Variants in MTERF4 observed in about 807,000 individuals in gnomAD.
MTERF4 encodes the protein mitochondrial transcription termination factor 4.
In MTERF4, 17 loss-of-function variants were observed where a neutral mutation model predicts 22.5. The ratio of observed to expected loss-of-function variants is 0.75; its 90% CI spans 0.52 to 1.13. The LOEUF (loss-of-function observed/expected upper bound fraction) is 1.13. Ranked by LOEUF, MTERF4 falls within the 50% of genes most tolerant of loss-of-function variation. The pLI, the probability that MTERF4 is intolerant of heterozygous loss-of-function variation, is 0.00. For missense variants in MTERF4, 420 were observed against 466.8 expected, an observed-to-expected ratio of 0.90 and a Z score of 0.92; for synonymous variants, 165 against 175.3, an observed-to-expected ratio of 0.94 and a Z score of 0.47.
chr2:241,044,848 T>C, the MTERF4 span, among the ~76,000 whole-genome samples: 1 of 152,162 alleles, frequency 6.6e-6, no homozygotes, highest in Non-Finnish European at 1.5e-5. Context: ...ATGCCATCAT[T>C]ATAAAAGTGG....
At chr2:241,048,707 G>C in the MTERF4 span, 340 of 1,612,916 alleles carry the variant, frequency 2.1e-4, no homozygotes, top group Non-Finnish European at 2.8e-4. Context: ...AGATGCCTGG[G>C]CGCCAACACC....
downstream of MTERF4, chr2:241,070,343 T>C (rs1020270971): frequency 1.1e-6 from 1 of 933,476 alleles, no homozygotes; most frequent in Non-Finnish European, 1.6e-6. Context: ...GGGAGGAGTC[T>C]GTGTATGAAA....
the MTERF4 span, chr2:241,053,413 C>T: frequency 7.3e-7 from 1 of 1,378,752 alleles, no homozygotes; most frequent in South Asian, 1.4e-5. Flanking sequence ...GGCTGCAGGC[C>T]CAAGCCTGGA....
At chr2:241,053,293 C>A in the MTERF4 span, 1 of 1,598,266 alleles carries the variant, frequency 6.3e-7, no homozygotes, top group Non-Finnish European at 8.5e-7. Context: ...CTGCCAGCCA[C>A]ACGGTGTCTG....
intron 4 of MTERF4, among the ~76,000 whole-genome samples, chr2:241,079,113 C>CA (rs1274280801): frequency 0.39 from 27,867 of 72,258 alleles, 4,521 homozygotes; most frequent in East Asian, 0.5. Context: ...GACTCCATCT[C>CA]AAAAAAAAAA....
chr2:241,052,728 A>G, the MTERF4 span, among the ~76,000 whole-genome samples: 1 of 39,656 alleles, frequency 2.5e-5, no homozygotes, highest in East Asian at 5.7e-4. Context: ...ATGGGATACC[A>G]GTGCCAGGCA....
the MTERF4 span, chr2:241,062,898 G>C: frequency 1.3e-6 from 2 of 1,597,978 alleles, no homozygotes; most frequent in African/African-American, 1.3e-5. Flanking sequence ...CGCCCACTGT[G>C]AGCTGGGTAA....
At chr2:241,050,609 G>A in the MTERF4 span, among the ~76,000 whole-genome samples, 2 of 152,198 alleles carry the variant, frequency 1.3e-5, no homozygotes, top group African/African-American at 4.8e-5. Context: ...TGAAGTCTGA[G>A]CCCTGGACCC....
At chr2:241,045,050 C>G in the MTERF4 span, among the ~76,000 whole-genome samples, 2 of 152,106 alleles carry the variant, frequency 1.3e-5, no homozygotes, top group Non-Finnish European at 2.9e-5. Context: ...ATTGACAATA[C>G]CATTTATAAT....
In MTERF4 at chr2:241,099,857, G is replaced by A. The variant is rs1330615471; in HGVS notation, c.59C>T (p.Ala20Val). The A allele has an allele frequency of 3.4e-5, 55 of 1,613,648 alleles. 2 individuals are homozygous for A. The East Asian group carries it at 1.2e-3, about 36-fold the overall frequency. Residue 20 changes from alanine (A) to valine (V), a missense_variant, in exon 2 of 4, where the codon GCC becomes GTC. Coordinates refer to ENST00000391980, the MANE Select transcript of MTERF4 (RefSeq NM_182501.4). ...ATGAGGAGTCTGCCTAGCCATACAG[G>A]CCCAGGTGAGGGGGATCAGGCGGTG... ...DWHRLIPLTWACMARQTPHLG... is the reference protein window; with the variant it reads ...DWHRLIPLTWVCMARQTPHLG...
the MTERF4 span, chr2:241,051,458 G>A: frequency 4.4e-4 from 153 of 344,906 alleles, no homozygotes; most frequent in African/African-American, 2.9e-3. This position sits in a 1 kb window ranked among gnomAD's most constrained non-coding sequence, Gnocchi z 4.7. Context: ...TGTTGGGGCC[G>A]GTTCTCCACA....
the MTERF4 span, chr2:241,052,311 T>A: frequency 2.0e-6 from 3 of 1,526,818 alleles, no homozygotes; most frequent in African/African-American, 4.1e-5. Context: ...GTCCCGAGCC[T>A]TCAGGGAAGA....
At chr2:241,065,525 C>T in the MTERF4 span, 4 of 1,612,886 alleles carry the variant, frequency 2.5e-6, no homozygotes, top group Admixed American at 6.7e-5. Context: ...ACATCTCCGT[C>T]TTCTCAGTGA....
chr2:241,081,450 C>G (rs920786659), intron 4 of MTERF4, among the ~76,000 whole-genome samples: 1 of 152,188 alleles, frequency 6.6e-6, no homozygotes, highest in African/African-American at 2.4e-5. Context: ...GTAATGAGGT[C>G]AGGGCCGAGC....
downstream of MTERF4, chr2:241,068,904 C>T (rs1275883178): frequency 6.5e-7 from 1 of 1,541,338 alleles, no homozygotes; most frequent in Non-Finnish European, 8.8e-7. The surrounding 1 kb of genome is among the most constrained non-coding windows in gnomAD (Gnocchi z 5.3). Flanking sequence ...TCACCTCCTG[C>T]CCACAGGGCC....
chr2:241,100,682 G>C (rs2064663844), intron 1 of MTERF4, among the ~76,000 whole-genome samples: 1 of 152,004 alleles, frequency 6.6e-6, no homozygotes, highest in South Asian at 2.1e-4. Flanking sequence ...TCTGAATAAC[G>C]TTTTCTTTTC....
Position 241,099,662 on chromosome 2 carries a change from A to G in MTERF4, c.254T>C (p.Val85Ala). 1 of 1,614,168 alleles carries G rather than the reference A, an allele frequency of 6.2e-7. No homozygotes were observed. The highest frequency in any genetic ancestry group is 8.5e-7 in the Non-Finnish European group (1 of 1,180,018). ...CTCTAGCTCCAAGGACCCTTGTACC[A>G]CAGGAGTCCCCTGCTTCTCAAGGAG... ...QCLLEKQGTPVVQGSLELERV... is the reference protein window; with the variant it reads ...QCLLEKQGTPAVQGSLELERV... Residue 85 changes from valine (V) to alanine (A), a missense_variant, in exon 2 of 4, where the codon GTG (valine) becomes GCG (alanine). Coordinates refer to ENST00000391980, the MANE Select transcript of MTERF4 (RefSeq NM_182501.4).
chr2:241,090,125 A>G (rs1398215103), downstream of MTERF4: 6 of 1,485,408 alleles, frequency 4.0e-6, no homozygotes, highest in Admixed American at 2.4e-5. Context: ...ACTCTTTTTA[A>G]TAACAGCTTA....
the MTERF4 span, among the ~76,000 whole-genome samples, chr2:241,047,877 T>C: frequency 6.6e-6 from 1 of 152,104 alleles, no homozygotes; most frequent in Non-Finnish European, 1.5e-5. Flanking sequence ...CTGGTGCTTC[T>C]TGTTCTGTCC....
Sources: gnomAD v4.1 joint callset for allele counts (sites outside exome capture counted in the v4.1 genomes callset) on GRCh38, gnomAD v4.1.1 for gene constraint, Gnocchi (gnomAD v3.1) non-coding constraint, MANE v1.5 for transcripts, NCBI Gene and HGNC (gene_info 2026-07-23, HGNC 2026-07-21) for gene names.